Variants in PARVB observed in about 807,000 individuals in gnomAD.
PARVB encodes parvin beta.
PARVB carries 46 observed loss-of-function variants against 47.0 expected under a neutral mutation model. That is an observed-to-expected ratio of 0.98 (90% CI 0.77 to 1.25). The LOEUF (loss-of-function observed/expected upper bound fraction) is 1.25. Among genes scored for constraint, PARVB ranks in the 50% most tolerant of loss-of-function variants. The pLI, the probability that PARVB is intolerant of heterozygous loss-of-function variation, is 0.00. For missense variants in PARVB, 473 were observed against 471.6 expected, an observed-to-expected ratio of 1.00 and a Z score of -0.03; for synonymous variants, 196 against 196.3, an observed-to-expected ratio of 1.00 and a Z score of 0.01.
intron 11 of PARVB, 104 bp downstream of exon 11, chr22:44,158,187 T>A: frequency 1.4e-6 from 1 of 733,496 alleles, no homozygotes; most frequent in Admixed American, 2.6e-5. Flanking sequence ...GCTGCATTCT[T>A]CAGAAAGTAA....
chr22:44,118,803 G>T (rs921579644), intron 3 of PARVB, among the ~76,000 whole-genome samples: 3 of 152,048 alleles, frequency 2.0e-5, no homozygotes, highest in Non-Finnish European at 2.9e-5. Context: ...CGCTTGCTCT[G>T]GTTCTGGCGG....
chr22:44,027,759 A>G (rs1389573283), intron 1 of PARVB, among the ~76,000 whole-genome samples: 1 of 151,936 alleles, frequency 6.6e-6, no homozygotes, highest in Admixed American at 6.6e-5. Flanking sequence ...TTAGCCGGGC[A>G]TGGTGGCGTG....
intron 2 of PARVB, among the ~76,000 whole-genome samples, chr22:44,017,389 G>A (rs1281245674): frequency 6.6e-6 from 1 of 152,150 alleles, no homozygotes; most frequent in Non-Finnish European, 1.5e-5. Context: ...TCTTAGTAGC[G>A]AGTACCACGC....
intron 1 of PARVB, among the ~76,000 whole-genome samples, chr22:44,079,769 C>T (rs960881314): frequency 1.3e-5 from 2 of 152,048 alleles, no homozygotes; most frequent in African/African-American, 4.8e-5. Context: ...CTCTACTAAA[C>T]ATACAAAAAT....
At chr22:44,048,410 C>T (rs562001227) in intron 1 of PARVB, among the ~76,000 whole-genome samples, 2 of 151,982 alleles carry the variant, frequency 1.3e-5, no homozygotes, top group East Asian at 1.9e-4. Flanking sequence ...CCTGCTGTGT[C>T]GCCCAGGCTG....
At position 44,168,805 on chromosome 22, in the gene PARVB, A is replaced by T. The variant is rs960893289; in HGVS notation, c.*127A>T. ...CCAAGCTGTGTTGACTGTCATCCCC[A>T]CCCCACCCCTACCTCACGCCTGCCC... On this transcript the variant is annotated 3_prime_UTR_variant, in exon 13 of 13. Transcript: ENST00000338758. The T allele has an allele frequency of 1.6e-6, 1 of 612,110 alleles. No homozygotes were observed. Among genetic ancestry groups the T allele is most frequent in the Admixed American group, 2.7e-5 (1 of 36,662 alleles). 37.9% of individuals were successfully genotyped at this position (612,110 alleles called of 1,614,324 possible).
intron 8 of PARVB, chr22:44,140,806 C>G (rs886470405): frequency 1.0e-5 from 3 of 295,058 alleles, no homozygotes; most frequent in African/African-American, 4.3e-5. Flanking sequence ...TTTTCAGTGG[C>G]TCTTCCCAAA....
intron 1 of PARVB, among the ~76,000 whole-genome samples, chr22:44,051,546 C>T (rs2051208350): frequency 6.6e-6 from 1 of 152,176 alleles, no homozygotes; most frequent in African/African-American, 2.4e-5. Flanking sequence ...ATAACCACCC[C>T]AACCTTTCTT....
intron 10 of PARVB, among the ~76,000 whole-genome samples, chr22:44,156,571 C>A (rs1337275155): frequency 2.6e-5 from 4 of 152,198 alleles, no homozygotes; most frequent in Admixed American, 2.0e-4. Context: ...GCCACTGCGC[C>A]TAGAAGTTTT....
chr22:44,058,331 G>A (rs2051353141), intron 1 of PARVB, among the ~76,000 whole-genome samples: 1 of 152,068 alleles, frequency 6.6e-6, no homozygotes, highest in Non-Finnish European at 1.5e-5. Flanking sequence ...TGTCACTCCA[G>A]TCAGCCTCCA....
intron 2 of PARVB, among the ~76,000 whole-genome samples, chr22:44,005,395 G>T (rs1173482439): frequency 1.3e-5 from 2 of 149,812 alleles, no homozygotes; most frequent in African/African-American, 2.5e-5. Flanking sequence ...TTACATGTAT[G>T]AGGTACCACG....
chr22:44,117,718 C>T (rs1201088603), intron 3 of PARVB, among the ~76,000 whole-genome samples: 1 of 152,162 alleles, frequency 6.6e-6, no homozygotes, highest in Non-Finnish European at 1.5e-5. Flanking sequence ...TTGCAGGTTG[C>T]AGCTGTTTCA....
At chr22:44,158,977 T>C (rs2053994555) in intron 11 of PARVB, among the ~76,000 whole-genome samples, 1 of 152,212 alleles carries the variant, frequency 6.6e-6, no homozygotes, top group South Asian at 2.1e-4. Flanking sequence ...TGTTTGCTTG[T>C]GGCCAAATGT....
At chr22:44,160,674 G>C (rs115522558) in intron 11 of PARVB, among the ~76,000 whole-genome samples, 1 of 152,186 alleles carries the variant, frequency 6.6e-6, no homozygotes, top group Non-Finnish European at 1.5e-5. Flanking sequence ...AACAGGCATG[G>C]GAGGGTGGCA....
At chr22:44,148,039 A>T in intron 9 of PARVB, 117 bp downstream of exon 9, 1 of 820,130 alleles carries the variant, frequency 1.2e-6, no homozygotes, top group Admixed American at 2.0e-5. Flanking sequence ...AATGTTTGCC[A>T]CATGGATTGA....
chr22:44,013,126 G>C (rs936220795), intron 2 of PARVB, among the ~76,000 whole-genome samples: 1 of 152,102 alleles, frequency 6.6e-6, no homozygotes, highest in Non-Finnish European at 1.5e-5. Flanking sequence ...TCAAACTCTT[G>C]ACTTCAGGTG....
chr22:44,097,340 G>T (rs1177428374), intron 2 of PARVB, among the ~76,000 whole-genome samples: 2 of 152,228 alleles, frequency 1.3e-5, no homozygotes, highest in African/African-American at 4.8e-5. Flanking sequence ...CATGCCTGCA[G>T]TGACTCCGGG....
In PARVB at chr22:44,029,931, A is replaced by T. The variant is rs1425302437; in HGVS notation, c.112+5480A>T. The stretch of plus-strand genomic sequence containing the variant: ...CCTCAAAAAAAAAAAAGAAAAGAAA[A>T]GAAATCACTAGGTAGCTGCGACATT... On this transcript the variant is annotated intron_variant, in intron 1 of 12. Coordinates refer to ENST00000338758, the MANE Select transcript of PARVB (RefSeq NM_013327.5). Among the ~76,000 whole-genome samples the T allele has an allele frequency of 2.6e-5, 4 of 152,024 alleles. No homozygotes were observed. The East Asian group carries it at 7.7e-4, about 29-fold the overall frequency.
chr22:44,087,335 G>A (rs949873144), intron 1 of PARVB, among the ~76,000 whole-genome samples: 2 of 152,192 alleles, frequency 1.3e-5, no homozygotes, highest in African/African-American at 4.8e-5. Context: ...GACACACTTA[G>A]AAAAGTGTCA....
Sources: gnomAD v4.1 joint callset for allele counts (sites outside exome capture counted in the v4.1 genomes callset) on GRCh38, gnomAD v4.1.1 for gene constraint, MANE v1.5 for transcripts, NCBI Gene and HGNC (gene_info 2026-07-23, HGNC 2026-07-21) for gene names.